Variants in LRRC4C observed in about 807,000 individuals in gnomAD.
LRRC4C encodes the protein leucine rich repeat containing 4C, also known as leucine-rich repeat-containing protein 4C.
In LRRC4C, 5 loss-of-function variants were observed where a neutral mutation model predicts 33.6. The observed-to-expected ratio is 0.15, with a 90% CI of 0.08 to 0.31. The LOEUF (loss-of-function observed/expected upper bound fraction) is 0.31. Ranked by LOEUF, LRRC4C falls within the 10% of genes least tolerant of loss-of-function variation. The probability of loss-of-function intolerance (pLI) is 1.00; values close to 1 mark genes in which losing one functional copy is unlikely to be tolerated. For synonymous variants in LRRC4C, 329 were observed against 302.0 expected (o/e 1.09, Z -0.93); for missense variants, 560 against 796.7 (o/e 0.70, Z 3.58).
At chr11:40,411,339 T>C (rs2137642344) in intron 3 of LRRC4C, among the ~76,000 whole-genome samples, 1 of 152,198 alleles carries the variant, frequency 6.6e-6, no homozygotes, top group South Asian at 2.1e-4. Context: ...ATTTGCACAG[T>C]AATGTTTCAA....
chr11:40,799,152 A>G (rs138289206), intron 2 of LRRC4C, among the ~76,000 whole-genome samples: 180 of 152,246 alleles, frequency 1.2e-3, no homozygotes, highest in African/African-American at 4.2e-3. Flanking sequence ...TACTTCATAG[A>G]TGACTAGTTT....
At chr11:41,288,566 T>C (rs1023178075) in intron 1 of LRRC4C, among the ~76,000 whole-genome samples, 8 of 152,150 alleles carry the variant, frequency 5.3e-5, no homozygotes, top group African/African-American at 1.7e-4. Context: ...ACTTAGTAAA[T>C]AAGTAGTTGC....
intron 1 of LRRC4C, among the ~76,000 whole-genome samples, chr11:41,209,549 G>T (rs988606638): frequency 2.5e-4 from 38 of 151,912 alleles, no homozygotes; most frequent in African/African-American, 8.4e-4. Context: ...GGAAGCTGAG[G>T]CAGGGGAATC....
At chr11:40,839,216 A>G (rs949216644) in intron 2 of LRRC4C, among the ~76,000 whole-genome samples, 3 of 152,044 alleles carry the variant, frequency 2.0e-5, no homozygotes, top group South Asian at 2.1e-4. Flanking sequence ...ATAAGCATTC[A>G]TCACCTATTT....
At chr11:40,345,651 T>C (rs1590385101) in intron 3 of LRRC4C, among the ~76,000 whole-genome samples, 1 of 152,280 alleles carries the variant, frequency 6.6e-6, no homozygotes, top group Non-Finnish European at 1.5e-5. Flanking sequence ...AAAAATTTCA[T>C]GATGAGGATG....
At chr11:40,792,209 T>A (rs1950651661) in intron 2 of LRRC4C, among the ~76,000 whole-genome samples, 1 of 152,116 alleles carries the variant, frequency 6.6e-6, no homozygotes. Flanking sequence ...ATTATTTTTG[T>A]CCTTTTGAAT....
At chr11:41,044,259 T>A (rs553300255) in intron 1 of LRRC4C, among the ~76,000 whole-genome samples, 2 of 152,162 alleles carry the variant, frequency 1.3e-5, no homozygotes, top group African/African-American at 4.8e-5. Context: ...CGTGTCACAG[T>A]GGTGGAAGAA....
At chr11:41,347,791 C>G (rs1399360234) in intron 1 of LRRC4C, among the ~76,000 whole-genome samples, 2 of 152,130 alleles carry the variant, frequency 1.3e-5, no homozygotes, top group South Asian at 2.1e-4. Flanking sequence ...GACAGTCTCT[C>G]AGCTTTATAA....
intron 1 of LRRC4C, among the ~76,000 whole-genome samples, chr11:41,273,416 A>G (rs1416095034): frequency 6.6e-6 from 1 of 152,192 alleles, no homozygotes; most frequent in African/African-American, 2.4e-5. Flanking sequence ...TCAGCCTTAA[A>G]AAATAAAAAA....
chr11:40,282,022 C>T (rs980023412), intron 4 of LRRC4C, among the ~76,000 whole-genome samples: 1 of 152,114 alleles, frequency 6.6e-6, no homozygotes, highest in African/African-American at 2.4e-5. Context: ...AGGTTGCCTA[C>T]AAGTGTCATC....
intron 3 of LRRC4C, among the ~76,000 whole-genome samples, chr11:40,349,582 T>C (rs1947294410): frequency 6.6e-6 from 1 of 152,140 alleles, no homozygotes; most frequent in Non-Finnish European, 1.5e-5. Flanking sequence ...GTGGAGCATA[T>C]TTGCCCAGTA....
chr11:40,409,295 C>T (rs1950071608), intron 3 of LRRC4C, among the ~76,000 whole-genome samples: 2 of 151,664 alleles, frequency 1.3e-5, no homozygotes, highest in South Asian at 4.2e-4. Flanking sequence ...GTAAAACTAT[C>T]AGAAGAAAAC....
chr11:40,871,791 T>C (rs1380710533), intron 2 of LRRC4C, among the ~76,000 whole-genome samples: 1 of 152,140 alleles, frequency 6.6e-6, no homozygotes, highest in East Asian at 1.9e-4. Context: ...TTTTCCTCTC[T>C]TATCCTTCTT....
At chr11:40,348,295 T>A (rs1947229873) in intron 3 of LRRC4C, among the ~76,000 whole-genome samples, 2 of 151,318 alleles carry the variant, frequency 1.3e-5, no homozygotes, top group Admixed American at 1.3e-4. Flanking sequence ...CCAAAAAATC[T>A]GTGAAGCACA....
intron 1 of LRRC4C, among the ~76,000 whole-genome samples, chr11:41,344,420 C>G (rs774023711): frequency 2.5e-4 from 38 of 152,152 alleles, no homozygotes; most frequent in Non-Finnish European, 4.1e-4. Flanking sequence ...CGGTGTTTCA[C>G]CGTGTTAGCC....
At chr11:40,806,675 A>AAT (rs987070113) in intron 2 of LRRC4C, among the ~76,000 whole-genome samples, 3 of 152,180 alleles carry the variant, frequency 2.0e-5, no homozygotes, top group Non-Finnish European at 4.4e-5. Context: ...CCAAATCACA[A>AAT]ATATATATTT....
At chr11:40,439,289 A>G (rs1951284586) in intron 3 of LRRC4C, among the ~76,000 whole-genome samples, 1 of 151,710 alleles carries the variant, frequency 6.6e-6, no homozygotes, top group South Asian at 2.1e-4. Context: ...CAAGGAAACT[A>G]GAAATAACAA....
intron 1 of LRRC4C, among the ~76,000 whole-genome samples, chr11:40,948,764 T>A (rs1592162390): frequency 1.3e-5 from 2 of 149,230 alleles, no homozygotes; most frequent in South Asian, 4.3e-4. Context: ...ATCCAGTCTA[T>A]CATTGTTGGA....
intron 2 of LRRC4C, among the ~76,000 whole-genome samples, chr11:40,667,812 A>C (rs2136250667): frequency 6.6e-6 from 1 of 152,276 alleles, no homozygotes; most frequent in South Asian, 2.1e-4. Context: ...AGCCTGGCCA[A>C]CCCCTTGCTT....
Sources: allele counts gnomAD v4.1 joint callset (sites outside exome capture counted in the v4.1 genomes callset), GRCh38; gene constraint gnomAD v4.1.1; transcripts MANE v1.5; gene names NCBI Gene and HGNC (gene_info 2026-07-23, HGNC 2026-07-21).